Variants in TMEM87B observed in about 807,000 individuals in gnomAD.
TMEM87B encodes transmembrane protein 87B.
A neutral mutation model predicts 80.3 loss-of-function variants in TMEM87B; 83 were observed. The observed-to-expected ratio is 1.03, with a 90% CI of 0.87 to 1.24. The LOEUF (loss-of-function observed/expected upper bound fraction) is 1.24. Among genes scored for constraint, TMEM87B ranks in the 50% most tolerant of loss-of-function variants. TMEM87B has a pLI of 0.00. For missense variants in TMEM87B, 625 were observed against 674.4 expected (o/e 0.93, Z 0.81); for synonymous variants, 219 against 230.5 (o/e 0.95, Z 0.45).
intron 3 of TMEM87B, among the ~76,000 whole-genome samples, 153 bp from the exon 4 acceptor site, chr2:112,066,783 A>T (rs1678449551): frequency 6.6e-6 from 1 of 152,212 alleles, no homozygotes; most frequent in Admixed American, 6.5e-5. Context: ...ATTATATTCG[A>T]AACAGTTTTT....
intron 4 of TMEM87B, among the ~76,000 whole-genome samples, chr2:112,070,620 C>G (rs1262875391): frequency 6.6e-6 from 1 of 152,142 alleles, no homozygotes; most frequent in Non-Finnish European, 1.5e-5. Context: ...ATGCCTCCAG[C>G]TTTGTTCCTT....
intron 1 of TMEM87B, among the ~76,000 whole-genome samples, chr2:112,056,371 G>A (rs1678060459): frequency 1.3e-5 from 2 of 152,202 alleles, no homozygotes; most frequent in South Asian, 4.2e-4. Flanking sequence ...TAGGTGGGGC[G>A]GGACTTGTGA....
rs746645396 is a variant in TMEM87B, at chr2:112,100,674, A to T, written c.1429A>T (p.Met477Leu). ...TTCTGATGATGAAATTGAGGAATTC[A>T]TGGTAACTTCTGAAAATTTAAGTGA... The part of the protein sequence containing the change: ...DDSDDEIEEF[M>L]VTSENLTEGI... The change falls in exon 15 of 19, where the codon ATG becomes TTG. Residue 477 changes from methionine to leucine, a missense_variant. By Grantham distance (15) the Met-to-Leu change is conservative (BLOSUM62 2). Coordinates refer to ENST00000283206, the MANE Select transcript of TMEM87B (RefSeq NM_032824.3). The T allele has an allele frequency of 7.5e-6, 12 of 1,608,836 alleles. No individual in the cohort carries two copies. The highest frequency in any genetic ancestry group is 1.1e-5 in the South Asian group (1 of 90,554).
intron 4 of TMEM87B, among the ~76,000 whole-genome samples, chr2:112,069,416 C>T (rs1000108786): frequency 6.6e-5 from 10 of 152,174 alleles, no homozygotes; most frequent in Admixed American, 4.6e-4. Flanking sequence ...TGAGAACATG[C>T]GGTATTTGGT....
At chr2:112,084,736 T>C (rs1478731405) in intron 8 of TMEM87B, among the ~76,000 whole-genome samples, 1 of 152,246 alleles carries the variant, frequency 6.6e-6, no homozygotes, top group Non-Finnish European at 1.5e-5. Context: ...ATCTTTCTGC[T>C]TCTCTCTGTG....
At chr2:112,089,339 G>A (rs781340946) in intron 9 of TMEM87B, among the ~76,000 whole-genome samples, 3 of 152,312 alleles carry the variant, frequency 2.0e-5, no homozygotes, top group Non-Finnish European at 2.9e-5. Context: ...AACAGTACCT[G>A]AATTATATTC....
intron 6 of TMEM87B, among the ~76,000 whole-genome samples, chr2:112,078,408 A>G (rs1189934859): frequency 1.3e-5 from 2 of 152,172 alleles, no homozygotes; most frequent in Admixed American, 1.3e-4. Flanking sequence ...GAAGCACAAA[A>G]GGGGACAACC....
intron 8 of TMEM87B, among the ~76,000 whole-genome samples, chr2:112,085,057 A>G (rs1283290000): frequency 2.0e-5 from 3 of 152,270 alleles, no homozygotes. Context: ...GTTCAAAAAC[A>G]GATCAGATGT....
chr2:112,075,132 G>A (rs1444775686), intron 5 of TMEM87B, among the ~76,000 whole-genome samples, 170 bp downstream of exon 5: 1 of 152,198 alleles, frequency 6.6e-6, no homozygotes, highest in Non-Finnish European at 1.5e-5. Flanking sequence ...AGGTGCAGTG[G>A]CTCCTGCTTG....
At chr2:112,100,970 G>C (rs1679614042) in intron 15 of TMEM87B, among the ~76,000 whole-genome samples, 1 of 152,134 alleles carries the variant, frequency 6.6e-6, no homozygotes, top group Non-Finnish European at 1.5e-5. Flanking sequence ...ATTGTGCTTA[G>C]CTGCTAAATA....
At chr2:112,068,743 C>A (rs1449169727) in intron 4 of TMEM87B, among the ~76,000 whole-genome samples, 1 of 152,098 alleles carries the variant, frequency 6.6e-6, no homozygotes, top group East Asian at 1.9e-4. Context: ...ACCATGTAGA[C>A]CCTGATGAAT....
chr2:112,069,182 G>C lies in TMEM87B; in HGVS notation c.450+2115G>C, dbSNP rs375378076. On this transcript the variant is annotated intron_variant, in intron 4 of 18. Transcript: ENST00000283206. ...AGTCCGCAGTCTGGCCTGGGCGACAGAGCGAGACTCCGTCTCAAAAAAAAA... is the reference window on the plus strand; with the variant it reads ...AGTCCGCAGTCTGGCCTGGGCGACACAGCGAGACTCCGTCTCAAAAAAAAA... Among the ~76,000 whole-genome samples, 257 of 138,886 alleles carry C rather than the reference G, an allele frequency of 1.9e-3. 6 individuals carry two copies. The East Asian group carries it at 0.051, about 28-fold the overall frequency. The allele number at this position is 138,886 out of a possible 152,430, so 91.1% of individuals were successfully genotyped here. A position where few individuals can be genotyped will look rare whatever the true frequency, so the allele number is the denominator to read the frequency against.
At chr2:112,101,540 T>C (rs1679630864) in intron 15 of TMEM87B, among the ~76,000 whole-genome samples, 1 of 152,202 alleles carries the variant, frequency 6.6e-6, no homozygotes, top group African/African-American at 2.4e-5. Context: ...TAGTCAACTG[T>C]TGACCAGAAG....
At position 112,098,614 on chromosome 2, in the gene TMEM87B, T is replaced by A. The variant is rs1258541206; in HGVS notation, c.1292T>A (p.Val431Asp). 6.2e-7 allele frequency: 1 copy of A among 1,614,178 alleles called. No individual in the cohort carries two copies. Among genetic ancestry groups the A allele is most frequent in the Non-Finnish European group, 8.5e-7 (1 of 1,180,014 alleles). ...TTTTAGGATTGGATGGAACGCTGGG[T>A]TGACGATGCATTTTGGAGCTTCCTT... ...KCQSDWMERW[V>D]DDAFWSFLFS... The change falls in exon 14 of 19, where the codon GTT becomes GAT. Residue 431 changes from valine to aspartate, a missense_variant. Physicochemically the swap from Val to Asp is radical, Grantham distance 152 (BLOSUM62 -3). Transcript: ENST00000283206.
intron 15 of TMEM87B, among the ~76,000 whole-genome samples, chr2:112,105,514 T>G (rs1428212197): frequency 6.6e-6 from 1 of 152,208 alleles, no homozygotes. Flanking sequence ...TAGCCTTTGC[T>G]CCACTGAAAC....
At chr2:112,080,118 C>T (rs532961342) in intron 6 of TMEM87B, among the ~76,000 whole-genome samples, 11 of 151,456 alleles carry the variant, frequency 7.3e-5, no homozygotes, top group East Asian at 1.9e-4. Flanking sequence ...TTATTAGAGA[C>T]GGGTTTCACC....
At chr2:112,078,451 AAAG>A (rs1382188031) in intron 6 of TMEM87B, among the ~76,000 whole-genome samples, 4 of 152,174 alleles carry the variant, frequency 2.6e-5, no homozygotes, top group Non-Finnish European at 5.9e-5. Context: ...GCAGAAGAGC[AAAG>A]AAGGGCCTAA....
chr2:112,101,770 C>T (rs956384038), intron 15 of TMEM87B, among the ~76,000 whole-genome samples: 5 of 151,998 alleles, frequency 3.3e-5, no homozygotes, highest in Non-Finnish European at 7.4e-5. Context: ...AACTGTAGTA[C>T]AGTAAGACAA....
Position 112,071,334 on chromosome 2 carries a change from C to T in TMEM87B, c.451-3578C>T, listed in dbSNP as rs1402138245. On this transcript the variant is annotated intron_variant, in intron 4 of 18. Transcript: ENST00000283206. ...CCCCCGCCGCCGCCACCACTGCCCA[C>T]TCTGTCATCCAGGCTGGAGTGCAAT... Among the ~76,000 whole-genome samples, 9 of 149,712 alleles carry T rather than the reference C, an allele frequency of 6.0e-5. No individual in the cohort carries two copies. In the East Asian group the frequency reaches 1.6e-3, roughly 27 times the overall value.
Sources: gnomAD v4.1 joint callset for allele counts (sites outside exome capture counted in the v4.1 genomes callset) on GRCh38, gnomAD v4.1.1 for gene constraint, MANE v1.5 for transcripts, NCBI Gene and HGNC (gene_info 2026-07-23, HGNC 2026-07-21) for gene names.